Variants in ARHGAP42 observed in about 807,000 individuals in gnomAD.
ARHGAP42 encodes Rho GTPase activating protein 42.
ARHGAP42 carries 63 observed loss-of-function variants against 125.0 expected under a neutral mutation model. The ratio of observed to expected loss-of-function variants is 0.50; its 90% confidence interval spans 0.41 to 0.62. The LOEUF (loss-of-function observed/expected upper bound fraction) is 0.62. ARHGAP42 is among the 20% of genes least tolerant of loss of function. The pLI is 0.00. For synonymous variants in ARHGAP42, 339 were observed against 351.0 expected (o/e 0.97, Z 0.38); for missense variants, 766 against 1,024.2 (o/e 0.75, Z 3.44).
At chr11:100,986,104 T>A (rs1229328690) in intron 22 of ARHGAP42, 1 of 456,658 alleles carries the variant, frequency 2.2e-6, no homozygotes, top group Non-Finnish European at 4.4e-6. Flanking sequence ...CTACTAAGCA[T>A]CAGACATCGT....
At chr11:100,842,908 G>A (rs986480861) in intron 3 of ARHGAP42, among the ~76,000 whole-genome samples, 4 of 151,610 alleles carry the variant, frequency 2.6e-5, no homozygotes, top group African/African-American at 9.7e-5. Flanking sequence ...ACACCTCAAG[G>A]AACTAGAGAA....
rs551558421 is a variant in ARHGAP42, at chr11:100,850,327, C to T, written c.313-9227C>T. ...GGCTACAGATCTATACAGGATATCACTGTACTGAATACTGTAGGTGATTGT... is the reference window on the plus strand; with the variant it reads ...GGCTACAGATCTATACAGGATATCATTGTACTGAATACTGTAGGTGATTGT... On this transcript the variant is annotated intron_variant, in intron 3 of 23. Transcript: ENST00000298815. 1.2e-4 allele frequency among the ~76,000 whole-genome samples: 19 copies of T among 152,316 alleles called. No individual in the cohort carries two copies. The East Asian group carries it at 3.7e-3, about 29-fold the overall frequency.
At chr11:100,740,180 C>T (rs1487927342) in intron 1 of ARHGAP42, among the ~76,000 whole-genome samples, 1 of 151,504 alleles carries the variant, frequency 6.6e-6, no homozygotes. Flanking sequence ...AATGCTAAGA[C>T]CTTTAGATTC....
chr11:100,738,119 G>T (rs113093436), intron 1 of ARHGAP42, among the ~76,000 whole-genome samples: 2 of 152,136 alleles, frequency 1.3e-5, no homozygotes, highest in Admixed American at 6.5e-5. Flanking sequence ...TGTAAGAAAT[G>T]ATTTTTTTCT....
intron 4 of ARHGAP42, among the ~76,000 whole-genome samples, chr11:100,904,906 T>C (rs1866678524): frequency 6.6e-6 from 1 of 152,210 alleles, no homozygotes; most frequent in Admixed American, 6.5e-5. Context: ...GCAAACTACT[T>C]TACAACCACT....
intron 2 of ARHGAP42, among the ~76,000 whole-genome samples, chr11:100,782,083 T>C (rs1226100884): frequency 2.6e-5 from 4 of 152,198 alleles, no homozygotes; most frequent in Non-Finnish European, 5.9e-5. Flanking sequence ...ATATATGTGA[T>C]ATTGAAGAAA....
At chr11:100,704,997 C>CCAACAACAACAA (rs202095677) in intron 1 of ARHGAP42, among the ~76,000 whole-genome samples, 1 of 111,796 alleles carries the variant, frequency 8.9e-6, no homozygotes, top group Non-Finnish European at 1.7e-5. Context: ...GAGCCAAACC[C>CCAACAACAACAA]CAACAACAAC....
chr11:100,884,096 C>T (rs1244441512), intron 4 of ARHGAP42, among the ~76,000 whole-genome samples: 1 of 152,056 alleles, frequency 6.6e-6, no homozygotes, highest in Non-Finnish European at 1.5e-5. Context: ...TTCATTTGTA[C>T]TATGTGATTA....
intron 3 of ARHGAP42, among the ~76,000 whole-genome samples, chr11:100,834,566 G>A (rs939033205): frequency 1.3e-5 from 2 of 152,148 alleles, no homozygotes; most frequent in Admixed American, 6.5e-5. Flanking sequence ...CAGAATTCGA[G>A]AGACATAGTA....
At chr11:100,837,884 C>T (rs916890014) in intron 3 of ARHGAP42, among the ~76,000 whole-genome samples, 5 of 60,370 alleles carry the variant, frequency 8.3e-5, no homozygotes, top group South Asian at 6.8e-4. Flanking sequence ...ATTCACCTAG[C>T]GGGATGTCTG....
chr11:100,853,968 T>C (rs966849495), intron 3 of ARHGAP42, among the ~76,000 whole-genome samples: 23 of 152,022 alleles, frequency 1.5e-4, no homozygotes, highest in South Asian at 1.5e-3. Flanking sequence ...AAGAATTTAA[T>C]GGGCAATTAA....
chr11:100,787,699 G>A (rs1287821787), intron 2 of ARHGAP42, among the ~76,000 whole-genome samples: 1 of 152,186 alleles, frequency 6.6e-6, no homozygotes. Flanking sequence ...CAGGCGTGGA[G>A]GGAGGCACTG....
intron 3 of ARHGAP42, among the ~76,000 whole-genome samples, chr11:100,843,939 A>G (rs1170651100): frequency 6.7e-6 from 1 of 150,102 alleles, no homozygotes; most frequent in Non-Finnish European, 1.5e-5. Flanking sequence ...ACAGAACTAT[A>G]AAAAAAATCC....
intron 3 of ARHGAP42, among the ~76,000 whole-genome samples, chr11:100,827,749 G>A (rs1864558657): frequency 6.6e-6 from 1 of 152,226 alleles, no homozygotes; most frequent in Non-Finnish European, 1.5e-5. Context: ...ATATTCACAA[G>A]AGAGAGCTGG....
At chr11:100,863,293 A>G (rs1289942760) in intron 4 of ARHGAP42, among the ~76,000 whole-genome samples, 3 of 152,138 alleles carry the variant, frequency 2.0e-5, no homozygotes, top group Non-Finnish European at 4.4e-5. Context: ...TCCCACAAGC[A>G]TGTTTGGGCT....
At chr11:100,700,006 C>G (rs1861370260) in intron 1 of ARHGAP42, among the ~76,000 whole-genome samples, 1 of 152,122 alleles carries the variant, frequency 6.6e-6, no homozygotes, top group African/African-American at 2.4e-5. Context: ...TGTCACATGT[C>G]ATTCTCCCTA....
chr11:100,808,645 T>G (rs1338247845), intron 3 of ARHGAP42, among the ~76,000 whole-genome samples: 14 of 151,826 alleles, frequency 9.2e-5, no homozygotes, highest in Admixed American at 9.2e-4. Context: ...GACCTCATGA[T>G]CCACCCGCCT....
chr11:100,829,539 A>G lies in ARHGAP42; in HGVS notation c.313-30015A>G, dbSNP rs79556557. On this transcript the variant is annotated intron_variant, in intron 3 of 23. Coordinates refer to ENST00000298815, the MANE Select transcript of ARHGAP42 (RefSeq NM_152432.4). ...CTTCTTAGCTTCAAAGGCATTACCCACTTTACTATGATACAGACAGCTCCT... is the reference window on the plus strand; with the variant it reads ...CTTCTTAGCTTCAAAGGCATTACCCGCTTTACTATGATACAGACAGCTCCT... 3.4e-3 allele frequency among the ~76,000 whole-genome samples: 524 copies of G among 152,242 alleles called. 3 individuals are homozygous for G. Among genetic ancestry groups the G allele is most frequent in the African/African-American group, 0.012 (508 of 41,526 alleles).
chr11:100,903,126 C>CACACACACACAA (rs1299755710), intron 4 of ARHGAP42, among the ~76,000 whole-genome samples: 1 of 150,782 alleles, frequency 6.6e-6, no homozygotes, highest in Non-Finnish European at 1.5e-5. Context: ...CGCACACACA[C>CACACACACACAA]ACACACACAC....
Sources: allele counts gnomAD v4.1 joint callset (sites outside exome capture counted in the v4.1 genomes callset), GRCh38; gene constraint gnomAD v4.1.1; transcripts MANE v1.5; gene names NCBI Gene and HGNC (gene_info 2026-07-23, HGNC 2026-07-21).